The following SUMF1 variants were observed in gnomAD, a reference collection of about 807,000 sequenced individuals.
SUMF1 encodes the protein formylglycine-generating enzyme.
In SUMF1, 48 loss-of-function variants were observed where a neutral mutation model predicts 47.6. The ratio of observed to expected loss-of-function variants is 1.01; its 90% CI spans 0.80 to 1.28. SUMF1 has a LOEUF of 1.28. Ranked by LOEUF, SUMF1 falls within the 50% of genes most tolerant of loss-of-function variation. SUMF1 has a pLI of 0.00. For synonymous variants in SUMF1, 230 were observed against 192.1 expected (o/e 1.20, Z -1.63); for missense variants, 571 against 485.4 (o/e 1.18, Z -1.66).
chr3:4,296,536 T>C (rs758670746), intron 8 of SUMF1, among the ~76,000 whole-genome samples: 11 of 152,168 alleles, frequency 7.2e-5, no homozygotes, highest in Non-Finnish European at 1.5e-4. Context: ...ACATCTTACC[T>C]GGCAGCAGGC....
At chr3:4,335,716 G>A (rs901429867) in intron 8 of SUMF1, among the ~76,000 whole-genome samples, 19 of 151,972 alleles carry the variant, frequency 1.3e-4, no homozygotes, top group African/African-American at 3.4e-4. Flanking sequence ...AGGCCAAGGC[G>A]GACAGATCAC....
chr3:4,343,931 A>C (rs1412228107), intron 8 of SUMF1, among the ~76,000 whole-genome samples: 1 of 152,250 alleles, frequency 6.6e-6, no homozygotes, highest in East Asian at 1.9e-4. Context: ...GAAATGCTTA[A>C]ATAAATTAAT....
chr3:4,133,263 T>A (rs1156324956), intron 8 of SUMF1, among the ~76,000 whole-genome samples: 2 of 152,178 alleles, frequency 1.3e-5, no homozygotes, highest in African/African-American at 4.8e-5. Context: ...GTTAACTTTA[T>A]GTAATAGTAT....
intron 1 of SUMF1, among the ~76,000 whole-genome samples, chr3:4,454,835 G>A (rs906617160): frequency 1.3e-5 from 2 of 152,170 alleles, no homozygotes; most frequent in Admixed American, 6.5e-5. Flanking sequence ...GCCACATATT[G>A]TATGAATCTA....
chr3:4,457,371 C>A (rs2079691149), intron 1 of SUMF1, among the ~76,000 whole-genome samples: 1 of 151,814 alleles, frequency 6.6e-6, no homozygotes, highest in Admixed American at 6.6e-5. Context: ...ATTCTAATGT[C>A]ATTTTTCAAG....
At chr3:4,169,371 C>G (rs1207338244) in intron 8 of SUMF1, among the ~76,000 whole-genome samples, 2 of 151,988 alleles carry the variant, frequency 1.3e-5, no homozygotes, top group African/African-American at 4.8e-5. Flanking sequence ...TGACTAGTAT[C>G]TTTATAAAAA....
intron 8 of SUMF1, among the ~76,000 whole-genome samples, chr3:4,213,843 G>A (rs1695856696): frequency 6.6e-6 from 1 of 152,114 alleles, no homozygotes; most frequent in African/African-American, 2.4e-5. Flanking sequence ...AAGGATCAAT[G>A]CAGCAAGAAC....
rs546814925 is a variant in SUMF1 at position 4,174,478 on chromosome 3, C to A, written c.1015-105733G>T. ...TAACACTTTGGGAGGCCAAGGCAAG[C>A]AAATCACTTCAGCTCAGGAGTTCAA... On this transcript the variant is annotated intron_variant and NMD_transcript_variant, in intron 8 of 12. Coordinates refer to the SUMF1 transcript ENST00000448413. Among the ~76,000 whole-genome samples the A allele has an allele frequency of 2.6e-5, 4 of 152,032 alleles. No individual in the cohort carries two copies. The South Asian group carries it at 8.3e-4, about 32-fold the overall frequency.
At chr3:4,086,119 A>G (rs1236073612) in intron 8 of SUMF1, among the ~76,000 whole-genome samples, 1 of 152,030 alleles carries the variant, frequency 6.6e-6, no homozygotes, top group Non-Finnish European at 1.5e-5. Flanking sequence ...AAGGGCCATT[A>G]AACAACCTGG....
chr3:4,376,885 A>T (rs114052205), intron 7 of SUMF1, among the ~76,000 whole-genome samples: 4,856 of 152,132 alleles, frequency 0.032, 114 homozygotes, highest in Non-Finnish European at 0.048. Flanking sequence ...AGCCTTGACC[A>T]CCTGGGCTCA....
At chr3:4,081,763 C>T (rs982641376) in intron 8 of SUMF1, among the ~76,000 whole-genome samples, 7 of 152,106 alleles carry the variant, frequency 4.6e-5, no homozygotes, top group Non-Finnish European at 7.3e-5. Context: ...CCTATAATCT[C>T]GGTTACTCAA....
At chr3:4,057,575 C>T (rs772944165) in intron 9 of SUMF1, among the ~76,000 whole-genome samples, 13 of 152,084 alleles carry the variant, frequency 8.5e-5, no homozygotes, top group Non-Finnish European at 1.8e-4. Context: ...TCTTTGGTTT[C>T]CATAACTTTA....
At position 4,251,414 on chromosome 3, in the gene SUMF1, C is replaced by G. The variant is rs556234493; in HGVS notation, c.1014+124916G>C. On this transcript the variant is annotated intron_variant and NMD_transcript_variant, in intron 8 of 12. Coordinates refer to the SUMF1 transcript ENST00000448413. ...GCTGTCAACATTGTTGAAATGACAA[C>G]AAAGGATTTGTAATATTACATCAAT... Among the ~76,000 whole-genome samples, 5 of 152,296 alleles carry G rather than the reference C, an allele frequency of 3.3e-5. No individual in the cohort carries two copies. The South Asian group carries it at 1.0e-3, about 32-fold the overall frequency.
chr3:4,271,861 A>G (rs1697311317), intron 8 of SUMF1, among the ~76,000 whole-genome samples: 1 of 152,032 alleles, frequency 6.6e-6, no homozygotes, highest in Non-Finnish European at 1.5e-5. Flanking sequence ...AAGTGTCCCT[A>G]AAAAGGAGTT....
At chr3:4,139,047 T>C (rs1694011553) in intron 8 of SUMF1, among the ~76,000 whole-genome samples, 2 of 152,114 alleles carry the variant, frequency 1.3e-5, no homozygotes, top group Admixed American at 1.3e-4. Flanking sequence ...AATCAGCAAA[T>C]GCTATGAATC....
chr3:4,142,068 T>A lies in SUMF1; in HGVS notation c.1015-73323A>T, dbSNP rs140662315. On this transcript the variant is annotated intron_variant and NMD_transcript_variant, in intron 8 of 12. Coordinates refer to the SUMF1 transcript ENST00000448413. ...TGATATGTATTAAAAGACAAAAGTA[T>A]CTCCAGGGTATTCTAATGTATAGCA... 7.4e-3 allele frequency among the ~76,000 whole-genome samples: 1,131 copies of A among 152,290 alleles called. 12 individuals are homozygous for A. Among genetic ancestry groups the A allele is most frequent in the Non-Finnish European group, 0.012 (796 of 68,014 alleles).
intron 8 of SUMF1, among the ~76,000 whole-genome samples, chr3:4,125,470 C>T (rs557238933): frequency 3.9e-5 from 6 of 152,216 alleles, no homozygotes; most frequent in Admixed American, 3.9e-4. Context: ...CATTAACACC[C>T]ATGGGTACAG....
At chr3:4,065,654 GA>G (rs957877748) in intron 9 of SUMF1, among the ~76,000 whole-genome samples, 31 of 150,034 alleles carry the variant, frequency 2.1e-4, no homozygotes, top group South Asian at 1.1e-3. Flanking sequence ...GGATTTGGCA[GA>G]AAAAAAAAAT....
chr3:4,178,533 A>G (rs758953480), intron 8 of SUMF1, among the ~76,000 whole-genome samples: 3 of 152,202 alleles, frequency 2.0e-5, no homozygotes, highest in Non-Finnish European at 2.9e-5. Context: ...CATGGATGGA[A>G]TGTATCTCAA....
Sources: allele counts gnomAD v4.1 joint callset (sites outside exome capture counted in the v4.1 genomes callset), GRCh38; gene constraint gnomAD v4.1.1; transcripts MANE v1.5; gene names NCBI Gene and HGNC (gene_info 2026-07-23, HGNC 2026-07-21).